Variants in SHANK1 observed in about 807,000 individuals in gnomAD.
The protein encoded by SHANK1 is SH3 and multiple ankyrin repeat domains protein 1.
SHANK1 carries 35 observed loss-of-function variants against 165.6 expected under a neutral mutation model. The observed-to-expected ratio is 0.21, with a 90% confidence interval of 0.16 to 0.28. The LOEUF (loss-of-function observed/expected upper bound fraction) is 0.28. SHANK1 is among the 10% of genes least tolerant of loss of function. The pLI is 1.00. For missense variants in SHANK1, 2,681 were observed against 3,036.4 expected, an observed-to-expected ratio of 0.88 and a Z score of 2.75; for synonymous variants, 1,428 against 1,384.8, an observed-to-expected ratio of 1.03 and a Z score of -0.69.
chr19:50,661,995 G>A lies in SHANK1; in HGVS notation c.6456C>T (p.Asp2152=). The change falls in exon 24 of 24, where the codon GAC becomes GAT. Residue 2152 remains aspartate (D), a synonymous_variant. Coordinates refer to ENST00000293441, the MANE Select transcript of SHANK1 (RefSeq NM_016148.5). The part of the protein sequence containing the change: ...VTRVGHRMNI[D]RALKFFLER ...TCTCCAGGAAGAATTTGAGAGCCCGGTCGATGTTCATGCGGTGGCCCACCC... is the reference window on the plus strand; with the variant it reads ...TCTCCAGGAAGAATTTGAGAGCCCGATCGATGTTCATGCGGTGGCCCACCC... 6.2e-7 allele frequency: 1 copy of A among 1,614,144 alleles called. No individual in the cohort carries two copies. Among genetic ancestry groups the A allele is most frequent in the Non-Finnish European group, 8.5e-7 (1 of 1,180,026 alleles).
chr19:50,703,953 AG>A (rs1249288478), intron 10 of SHANK1, 123 bp from the exon 11 acceptor site: 6 of 730,822 alleles, frequency 8.2e-6, no homozygotes, highest in Non-Finnish European at 1.4e-5. Context: ...TGAGAAAGGG[AG>A]GGGGGCCTGG....
chr19:50,711,841 C>T, intron 7 of SHANK1, 106 bp downstream of exon 7: 1 of 1,269,818 alleles, frequency 7.9e-7, no homozygotes, highest in Non-Finnish European at 1.1e-6. Flanking sequence ...ATTCTCACCC[C>T]CATGCTCTGT....
At position 50,667,717 on chromosome 19, in the gene SHANK1, G is replaced by C; in HGVS notation, c.4243C>G (p.Pro1415Ala). Residue 1415 changes from proline to alanine, a missense_variant, in exon 23 of 24, where the codon CCT (proline) becomes GCT (alanine). Pro to Ala is a conservative substitution (Grantham distance 27, BLOSUM62 -1). This residue lies in a region of SHANK1 where 1,713 missense variants were observed against 1,630.2 expected (regional missense o/e 1.05). Coordinates refer to ENST00000293441, the MANE Select transcript of SHANK1 (RefSeq NM_016148.5). This position sits in a 1 kb window ranked among gnomAD's most constrained non-coding sequence, Gnocchi z 5.7. ...LRLWGASPPD[P>A]ARRELGYRAG... ...CTGTACCCCAGCTCCCGGCGCGCAGGGTCCGGCGGGGAGGCCCCCCAGAGA... is the reference window on the plus strand; with the variant it reads ...CTGTACCCCAGCTCCCGGCGCGCAGCGTCCGGCGGGGAGGCCCCCCAGAGA... 1.5e-6 allele frequency: 2 copies of C among 1,334,424 alleles called. No individual in the cohort carries two copies. Among genetic ancestry groups the C allele is most frequent in the East Asian group, 3.1e-5 (1 of 32,164 alleles). The allele number at this position is 1,334,424 out of a possible 1,614,324, so 82.7% of individuals were successfully genotyped here.
In SHANK1 at chr19:50,666,248, G is replaced by A. The variant is rs894526598; in HGVS notation, c.5712C>T (p.Ser1904=). 4.3e-6 allele frequency: 7 copies of A among 1,609,546 alleles called. No homozygotes were observed. Among genetic ancestry groups the A allele is most frequent in the African/African-American group, 1.3e-5 (1 of 74,886 alleles). The change falls in exon 23 of 24, where the codon AGC becomes AGT. Residue 1904 remains serine, a synonymous_variant. Coordinates refer to ENST00000293441, the MANE Select transcript of SHANK1 (RefSeq NM_016148.5). The part of the protein sequence containing the change: ...ARGGSGGGGD[S]HHGGASYVPE... Reference sequence around the variant, plus strand: ...GGACATAGCTGGCTCCCCCGTGGTGGCTGTCTCCGCCTCCCCCACTGCCTC... The same window carrying A: ...GGACATAGCTGGCTCCCCCGTGGTGACTGTCTCCGCCTCCCCCACTGCCTC...
intron 21 of SHANK1, among the ~76,000 whole-genome samples, chr19:50,680,540 G>T (rs1160024660): frequency 6.6e-6 from 1 of 152,124 alleles, no homozygotes; most frequent in Non-Finnish European, 1.5e-5. Context: ...CTGACCTAGG[G>T]TGGATCTGCT....
In SHANK1 at chr19:50,669,212, A is replaced by G; in HGVS notation, c.2748T>C (p.Gly916=). Residue 916 remains glycine, a synonymous_variant, in exon 23 of 24, where the codon GGT becomes GGC. Transcript: ENST00000293441. ...TGGGTGGCGGGGGAATGTCCTCCGAACCAGGCACAGACAGGCTGCGGCTGA... is the reference window on the plus strand; with the variant it reads ...TGGGTGGCGGGGGAATGTCCTCCGAGCCAGGCACAGACAGGCTGCGGCTGA... ...MKFSRSLSVP[G]SEDIPPPPTT... is the part of the protein sequence containing the mutation. 6.2e-7 allele frequency: 1 copy of G among 1,611,124 alleles called. No individual in the cohort carries two copies.
intron 21 of SHANK1, among the ~76,000 whole-genome samples, chr19:50,678,066 ATGTGTCCTCAC>A (rs1200596889): frequency 4.6e-5 from 7 of 152,108 alleles, no homozygotes; most frequent in Non-Finnish European, 1.0e-4. Flanking sequence ...TATTTTTCGT[ATGTGTCCTCAC>A]TGGATCCTCA....
intron 21 of SHANK1, among the ~76,000 whole-genome samples, chr19:50,676,945 C>T (rs962929343): frequency 1.3e-5 from 2 of 152,080 alleles, no homozygotes; most frequent in Admixed American, 1.3e-4. Flanking sequence ...GCCTTTCTGC[C>T]CTTCCTTGTT....
chr19:50,703,805 G>A lies in SHANK1; in HGVS notation c.1248C>T (p.Tyr416=), dbSNP rs777634297. The A allele has an allele frequency of 1.2e-4, 167 of 1,429,106 alleles. No individual in the cohort carries two copies. Among genetic ancestry groups the A allele is most frequent in the Non-Finnish European group, 1.3e-4 (147 of 1,096,180 alleles). The allele number at this position is 1,429,106 out of a possible 1,614,324, so 88.5% of individuals were successfully genotyped here. A position where few individuals can be genotyped will look rare whatever the true frequency, so the allele number is the denominator to read the frequency against. ...DVVPFQESPK[Y]AARRRGPPGT... ...CTGGGGGCCCCCGTCGCCGGGCCGCGTACTTGGGGGACTCCTGGAAGGGCA... is the reference window on the plus strand; with the variant it reads ...CTGGGGGCCCCCGTCGCCGGGCCGCATACTTGGGGGACTCCTGGAAGGGCA... Residue 416 remains tyrosine (Y), a synonymous_variant, in exon 11 of 24, where the codon TAC becomes TAT. Coordinates refer to ENST00000293441, the MANE Select transcript of SHANK1 (RefSeq NM_016148.5).
Position 50,700,506 on chromosome 19 carries a change from G to A in SHANK1, c.1747+1961C>T, listed in dbSNP as rs192204702. On this transcript the variant is annotated intron_variant, in intron 12 of 23. Coordinates refer to ENST00000293441, the MANE Select transcript of SHANK1 (RefSeq NM_016148.5). ...TGAAAGGAAGAGTCGCATGAGATGA[G>A]GTTGACAAGGTGGGCAGAGAGGCAG... Among the ~76,000 whole-genome samples the A allele has an allele frequency of 5.5e-3, 831 of 152,102 alleles. 10 individuals carry two copies. Among genetic ancestry groups the A allele is most frequent in the African/African-American group, 0.019 (786 of 41,458 alleles).
intron 12 of SHANK1, 150 bp from the exon 13 acceptor site, chr19:50,698,106 G>A: frequency 1.6e-6 from 1 of 635,868 alleles, no homozygotes; most frequent in Non-Finnish European, 2.8e-6. Context: ...CGAGGAGCTT[G>A]GGGGAGACCC....
intron 21 of SHANK1, among the ~76,000 whole-genome samples, chr19:50,673,641 A>C (rs1158193276): frequency 1.3e-5 from 2 of 152,068 alleles, no homozygotes; most frequent in African/African-American, 4.8e-5. Flanking sequence ...AAACTCCCTG[A>C]AGGCGGGGCT....
intron 7 of SHANK1, among the ~76,000 whole-genome samples, chr19:50,711,742 CAG>C (rs1241788712): frequency 6.6e-6 from 1 of 152,226 alleles, no homozygotes; most frequent in Non-Finnish European, 1.5e-5. Flanking sequence ...CCATCCCTCT[CAG>C]GGGTCAAGGC....
At chr19:50,709,946 A>G (rs755820418) in intron 8 of SHANK1, among the ~76,000 whole-genome samples, 14 of 152,118 alleles carry the variant, frequency 9.2e-5, no homozygotes, top group Non-Finnish European at 2.1e-4. Flanking sequence ...TAACAATGAC[A>G]ATTATTATTC....
chr19:50,663,943 T>TTTTTG (rs1184663604), intron 23 of SHANK1, among the ~76,000 whole-genome samples: 2 of 144,386 alleles, frequency 1.4e-5, no homozygotes, highest in Non-Finnish European at 3.0e-5. Flanking sequence ...TCTCTCTCTT[T>TTTTTG]TTTTTTTTTT....
At chr19:50,715,830 T>TC in intron 3 of SHANK1, 100 bp from the exon 4 acceptor site, 1 of 1,160,006 alleles carries the variant, frequency 8.6e-7, no homozygotes, top group Non-Finnish European at 1.3e-6. Context: ...CCCTTCTAAT[T>TC]CCCCGGGGTA....
At position 50,697,061 on chromosome 19, in the gene SHANK1, C is replaced by T. The variant is rs781571154; in HGVS notation, c.1964+35G>A. On this transcript the variant is annotated intron_variant, in intron 15 of 23. Coordinates refer to ENST00000293441, the MANE Select transcript of SHANK1 (RefSeq NM_016148.5). This position sits in a 1 kb window ranked among gnomAD's most constrained non-coding sequence, Gnocchi z 4.7. The stretch of plus-strand genomic sequence containing the variant: ...CCCCAGGCACCCCGTCCTTCCCCTC[C>T]TGACCCCATCCCCTCCCTGCCCCTC... The T allele has an allele frequency of 2.5e-6, 4 of 1,580,100 alleles. No homozygotes were observed. Among genetic ancestry groups the T allele is most frequent in the Middle Eastern group, 1.7e-4 (1 of 5,980 alleles).
chr19:50,697,638 G>C lies in SHANK1; in HGVS notation c.1888C>G (p.Leu630Val). 1 of 1,614,040 alleles carries C rather than the reference G, an allele frequency of 6.2e-7. No homozygotes were observed. Among genetic ancestry groups the C allele is most frequent in the Non-Finnish European group, 8.5e-7 (1 of 1,180,014 alleles). ...QESRSDKAKR[L>V]FRHYTVGSYD... ...GAGCCCACGGTATAATGCCGGAAGA[G>C]TCTCTTTGCCTTGTCACTGCGGCTT... The change falls in exon 14 of 24, where the codon CTC becomes GTC. Residue 630 changes from leucine (L) to valine (V), a missense_variant. By Grantham distance (32) the Leu-to-Val change is conservative (BLOSUM62 1). Coordinates refer to ENST00000293441, the MANE Select transcript of SHANK1 (RefSeq NM_016148.5). The surrounding 1 kb of genome is among the most constrained non-coding windows in gnomAD (Gnocchi z 4.7).
chr19:50,667,905 G>A lies in SHANK1; in HGVS notation c.4055C>T (p.Pro1352Leu). ...LTGKALDPAS[P>L]LGLALAARER... ...GCGGGCGGCCAGGGCCAGCCCCAGC[G>A]GGGAGGCGGGATCCAGGGCCTTGCC... Residue 1352 changes from proline (P) to leucine (L), a missense_variant, in exon 23 of 24, where the codon CCG (proline) becomes CTG (leucine). Around this residue, in one of 10 missense-constraint regions of SHANK1, gnomAD observed 1,713 missense variants for 1,630.2 expected, o/e 1.05. Coordinates refer to ENST00000293441, the MANE Select transcript of SHANK1 (RefSeq NM_016148.5). The surrounding 1 kb of genome is among the most constrained non-coding windows in gnomAD (Gnocchi z 5.7). The A allele has an allele frequency of 1.5e-6, 2 of 1,340,096 alleles. No homozygotes were observed. The highest frequency in any genetic ancestry group is 1.9e-6 in the Non-Finnish European group (2 of 1,050,120). The allele number at this position is 1,340,096 out of a possible 1,614,324, so 83.0% of individuals were successfully genotyped here.
Sources: allele counts gnomAD v4.1 joint callset (sites outside exome capture counted in the v4.1 genomes callset), GRCh38; gene constraint gnomAD v4.1.1; regional missense constraint gnomAD v4.1.1; non-coding constraint Gnocchi (gnomAD v3.1); transcripts MANE v1.5; gene names NCBI Gene and HGNC (gene_info 2026-07-23, HGNC 2026-07-21).